The following SLIT2 variants were observed in gnomAD, a reference collection of about 807,000 sequenced individuals.
The protein encoded by SLIT2 is slit homolog 2 protein.
A neutral mutation model predicts 185.7 loss-of-function variants in SLIT2; 41 were observed. That is an observed-to-expected ratio of 0.22 (90% confidence interval 0.17 to 0.29). The LOEUF is 0.29. Ranked by LOEUF, SLIT2 falls within the 10% of genes least tolerant of loss-of-function variation. The probability of loss-of-function intolerance (pLI) is 1.00; values close to 1 mark genes in which losing one functional copy is unlikely to be tolerated. For missense variants in SLIT2, 1,571 were observed against 1,909.0 expected, an observed-to-expected ratio of 0.82 and a Z score of 3.30; for synonymous variants, 693 against 680.2, an observed-to-expected ratio of 1.02 and a Z score of -0.29.
At chr4:20,613,171 T>G (rs984322795) in intron 34 of SLIT2, among the ~76,000 whole-genome samples, 1 of 152,156 alleles carries the variant, frequency 6.6e-6, no homozygotes, top group Non-Finnish European at 1.5e-5. Flanking sequence ...CAAAGGAATC[T>G]CAATCATTCT....
At chr4:20,454,113 A>T (rs2148718463) in intron 4 of SLIT2, among the ~76,000 whole-genome samples, 1 of 152,272 alleles carries the variant, frequency 6.6e-6, no homozygotes, top group African/African-American at 2.4e-5. Flanking sequence ...ATTCTAAAGG[A>T]TAGAAAGCAT....
At chr4:20,358,888 G>T (rs187622083) in intron 4 of SLIT2, among the ~76,000 whole-genome samples, 45 of 152,218 alleles carry the variant, frequency 3.0e-4, no homozygotes, top group African/African-American at 1.1e-3. Flanking sequence ...TATATTCACT[G>T]TGTGAAACAA....
Position 20,595,815 on chromosome 4 carries a change from A to G in SLIT2, c.3301A>G (p.Ile1101Val), listed in dbSNP as rs1343711928. ...AGATGCAGTGAACGGCTATACGTGC[A>G]TATGCCCCGAAGGTTACAGGTAAAA... is the stretch of plus-strand genomic sequence containing the variant. The part of the protein sequence containing the change: ...CTDAVNGYTC[I>V]CPEGYSGLFC... Residue 1101 changes from isoleucine (I) to valine (V), a missense_variant, in exon 31 of 37, where the codon ATA becomes GTA. Physicochemically the swap from Ile to Val is conservative, Grantham distance 29. Around this residue, in one of 3 missense-constraint regions of SLIT2, gnomAD observed 1,202 missense variants for 1,416.4 expected, o/e 0.85. Transcript: ENST00000504154. The G allele has an allele frequency of 6.2e-7, 1 of 1,613,932 alleles. No individual in the cohort carries two copies. Among genetic ancestry groups the G allele is most frequent in the African/African-American group, 1.3e-5 (1 of 74,916 alleles).
At chr4:20,321,233 T>G (rs1473509408) in intron 4 of SLIT2, among the ~76,000 whole-genome samples, 1 of 152,192 alleles carries the variant, frequency 6.6e-6, no homozygotes, top group African/African-American at 2.4e-5. Context: ...TGATCCCAAA[T>G]TTCTCCAAAG....
chr4:20,282,775 T>A (rs1201951764), intron 4 of SLIT2, among the ~76,000 whole-genome samples: 1 of 152,248 alleles, frequency 6.6e-6, no homozygotes, highest in Non-Finnish European at 1.5e-5. Flanking sequence ...TCCTGTTTGT[T>A]CTTGTTAATC....
At chr4:20,563,554 G>A (rs188564566) in intron 26 of SLIT2, among the ~76,000 whole-genome samples, 7 of 151,826 alleles carry the variant, frequency 4.6e-5, no homozygotes, top group African/African-American at 1.7e-4. Flanking sequence ...TTAACTCTCA[G>A]TGTTGTACCC....
At chr4:20,441,515 T>TTCTCTC (rs1729742980) in intron 4 of SLIT2, among the ~76,000 whole-genome samples, 1 of 98,838 alleles carries the variant, frequency 1.0e-5, no homozygotes, top group African/African-American at 4.0e-5. Flanking sequence ...CCCCCCCCAC[T>TTCTCTC]TCTGTCTCTC....
At chr4:20,334,912 AG>A (rs1362535451) in intron 4 of SLIT2, among the ~76,000 whole-genome samples, 1 of 152,224 alleles carries the variant, frequency 6.6e-6, no homozygotes, top group African/African-American at 2.4e-5. Flanking sequence ...CACTGAAGTA[AG>A]GCTTTTCATA....
At chr4:20,474,934 G>A (rs1715932493) in intron 5 of SLIT2, among the ~76,000 whole-genome samples, 1 of 151,730 alleles carries the variant, frequency 6.6e-6, no homozygotes, top group Admixed American at 6.6e-5. Context: ...CAGTTCTATA[G>A]TGTCTATAGT....
At chr4:20,327,805 T>G (rs1013305810) in intron 4 of SLIT2, among the ~76,000 whole-genome samples, 1 of 152,100 alleles carries the variant, frequency 6.6e-6, no homozygotes, top group African/African-American at 2.4e-5. Context: ...CCATCTCCTT[T>G]GAATTATGGG....
intron 4 of SLIT2, among the ~76,000 whole-genome samples, chr4:20,343,177 T>C (rs1007932960): frequency 6.6e-6 from 1 of 152,118 alleles, no homozygotes; most frequent in Non-Finnish European, 1.5e-5. Context: ...TCTAATTGTA[T>C]GTTTGTACCC....
intron 4 of SLIT2, among the ~76,000 whole-genome samples, chr4:20,435,531 A>G (rs1418345045): frequency 6.6e-6 from 1 of 152,206 alleles, no homozygotes; most frequent in Non-Finnish European, 1.5e-5. Flanking sequence ...AGAAGGGACT[A>G]AACATCATGG....
At chr4:20,395,199 A>G (rs978523745) in intron 4 of SLIT2, among the ~76,000 whole-genome samples, 4 of 152,154 alleles carry the variant, frequency 2.6e-5, no homozygotes, top group Non-Finnish European at 4.4e-5. Context: ...GTGTTTTGCT[A>G]TATGACAGAA....
At chr4:20,365,075 CTA>C (rs1358374341) in intron 4 of SLIT2, among the ~76,000 whole-genome samples, 3 of 152,090 alleles carry the variant, frequency 2.0e-5, no homozygotes, top group African/African-American at 7.2e-5. Flanking sequence ...TGCCTAAACT[CTA>C]TGTTATTTTG....
chr4:20,440,083 C>T (rs1482748522), intron 4 of SLIT2, among the ~76,000 whole-genome samples: 1 of 152,042 alleles, frequency 6.6e-6, no homozygotes, highest in Non-Finnish European at 1.5e-5. Context: ...TTAAAAGTTC[C>T]AACTATGAAA....
rs114182619 is a variant in SLIT2 at position 20,315,609 on chromosome 4, A to G, written c.395+46728A>G. Among the ~76,000 whole-genome samples the G allele has an allele frequency of 7.9e-3, 1,208 of 152,198 alleles. 16 individuals are homozygous for G. Among genetic ancestry groups the G allele is most frequent in the African/African-American group, 0.028 (1,152 of 41,574 alleles). The stretch of plus-strand genomic sequence containing the variant: ...CACTTGACTTTCTTCTGTCTGATTT[A>G]TTTATTTTCTCATTGATAAAATTAT... On this transcript the variant is annotated intron_variant, in intron 4 of 36. Transcript: ENST00000504154.
At chr4:20,445,090 C>G (rs1020823648) in intron 4 of SLIT2, among the ~76,000 whole-genome samples, 1 of 152,184 alleles carries the variant, frequency 6.6e-6, no homozygotes, top group African/African-American at 2.4e-5. Flanking sequence ...TCCTGTCCTG[C>G]TAACAATCAT....
At chr4:20,530,098 A>ATTTTT (rs34101661) in intron 16 of SLIT2, among the ~76,000 whole-genome samples, 5 of 147,940 alleles carry the variant, frequency 3.4e-5, no homozygotes, top group Non-Finnish European at 4.5e-5. Flanking sequence ...AGTTATAGTG[A>ATTTTT]TTTTTTTTTT....
chr4:20,496,192 T>A (rs968249731), intron 9 of SLIT2, among the ~76,000 whole-genome samples: 3 of 152,184 alleles, frequency 2.0e-5, no homozygotes, highest in Admixed American at 6.5e-5. Context: ...TGCCTATAAA[T>A]CTAAGTAGAA....
Sources: gnomAD v4.1 joint callset for allele counts (sites outside exome capture counted in the v4.1 genomes callset) on GRCh38, gnomAD v4.1.1 for gene constraint, gnomAD v4.1.1 regional missense constraint, MANE v1.5 for transcripts, NCBI Gene and HGNC (gene_info 2026-07-23, HGNC 2026-07-21) for gene names.